XKR9: variants seen among roughly 807,000 people sequenced by gnomAD.
The protein encoded by XKR9 is XK-related protein 9.
XKR9 carries 32 observed loss-of-function variants against 32.0 expected under a neutral mutation model. The observed-to-expected ratio is 1.00, with a 90% CI of 0.76 to 1.34. The LOEUF (loss-of-function observed/expected upper bound fraction) is 1.34. Among genes scored for constraint, XKR9 ranks in the 40% most tolerant of loss-of-function variants. The pLI is 0.00. For missense variants in XKR9, 546 were observed against 429.7 expected, an observed-to-expected ratio of 1.27 and a Z score of -2.39; for synonymous variants, 168 against 143.4, an observed-to-expected ratio of 1.17 and a Z score of -1.22.
At chr8:71,009,377 T>A in the XKR9 span, among the ~76,000 whole-genome samples, 1 of 145,362 alleles carries the variant, frequency 6.9e-6, no homozygotes, top group Non-Finnish European at 1.5e-5. Context: ...TATTAGTGTA[T>A]TTTATGTGTG....
chr8:70,860,509 A>G, the XKR9 span, among the ~76,000 whole-genome samples: 7 of 152,148 alleles, frequency 4.6e-5, no homozygotes, highest in Non-Finnish European at 8.8e-5. Context: ...AGCTGAAATA[A>G]GACACAAATC....
the XKR9 span, among the ~76,000 whole-genome samples, chr8:71,008,775 A>C: frequency 6.6e-6 from 1 of 151,872 alleles, no homozygotes; most frequent in African/African-American, 2.4e-5. Context: ...TACACCAAGT[A>C]CTTCCTCCTC....
intron 1 of XKR9, among the ~76,000 whole-genome samples, chr8:70,672,438 A>G (rs1818744505): frequency 6.6e-6 from 1 of 152,180 alleles, no homozygotes; most frequent in Non-Finnish European, 1.5e-5. Flanking sequence ...GCCAAATAGT[A>G]TTTTATTGTG....
At chr8:71,040,386 C>T in the XKR9 span, among the ~76,000 whole-genome samples, 6 of 152,076 alleles carry the variant, frequency 3.9e-5, no homozygotes, top group South Asian at 2.1e-4. Flanking sequence ...TTTTATTGGT[C>T]GAAATGGTTA....
the XKR9 span, among the ~76,000 whole-genome samples, chr8:71,022,421 T>C: frequency 6.6e-6 from 1 of 152,184 alleles, no homozygotes; most frequent in African/African-American, 2.4e-5. Context: ...GGCAGGTTTT[T>C]TTTCAGAATT....
chr8:71,022,227 G>T, the XKR9 span, among the ~76,000 whole-genome samples: 1 of 152,040 alleles, frequency 6.6e-6, no homozygotes, highest in African/African-American at 2.4e-5. Context: ...TGCTGTTTTG[G>T]TTATTGTAGT....
At position 70,734,466 on chromosome 8, in the gene XKR9, T is replaced by A; in HGVS notation, c.*42T>A. The A allele has an allele frequency of 6.9e-7, 1 of 1,454,644 alleles. No homozygotes were observed. Among genetic ancestry groups the A allele is most frequent in the Non-Finnish European group, 9.0e-7 (1 of 1,114,422 alleles). The allele number at this position is 1,454,644 out of a possible 1,614,324, so 90.1% of individuals were successfully genotyped here. ...ATATATTTTCTTATATTTTGTTTCA[T>A]TGGTTAGTAAAGAAAATGTGTGTTA... On this transcript the variant is annotated 3_prime_UTR_variant, in exon 5 of 5. Transcript: ENST00000408926.
the XKR9 span, among the ~76,000 whole-genome samples, chr8:70,899,004 C>T: frequency 6.6e-6 from 1 of 152,134 alleles, no homozygotes; most frequent in African/African-American, 2.4e-5. Flanking sequence ...GCCTTGACTT[C>T]CCAGGCTCAA....
chr8:70,773,394 G>A (rs1390326130), intron 2 of XKR9, among the ~76,000 whole-genome samples: 1 of 152,164 alleles, frequency 6.6e-6, no homozygotes, highest in Non-Finnish European at 1.5e-5. Context: ...TACTGGCCAT[G>A]GTCATAGAGC....
At chr8:70,749,531 G>T (rs147116300) in intron 2 of XKR9, among the ~76,000 whole-genome samples, 113 of 150,938 alleles carry the variant, frequency 7.5e-4, no homozygotes, top group Middle Eastern at 3.4e-3. Flanking sequence ...CATGGAGTCG[G>T]CATCTGTGCC....
chr8:70,968,616 GT>G, the XKR9 span, among the ~76,000 whole-genome samples: 22 of 152,102 alleles, frequency 1.4e-4, no homozygotes, highest in Non-Finnish European at 2.6e-4. Flanking sequence ...ATTGAATGGG[GT>G]TTTTGTGGGG....
chr8:70,949,536 A>T, the XKR9 span, among the ~76,000 whole-genome samples: 25 of 152,200 alleles, frequency 1.6e-4, no homozygotes, highest in African/African-American at 4.8e-4. Flanking sequence ...ACAGCTAAAT[A>T]CCAAAGGAAC....
the XKR9 span, among the ~76,000 whole-genome samples, chr8:71,029,419 G>A: frequency 6.6e-6 from 1 of 152,156 alleles, no homozygotes. Context: ...GTAATCCAAA[G>A]TGGAGGTATA....
chr8:70,892,334 G>T, the XKR9 span, among the ~76,000 whole-genome samples: 1 of 151,890 alleles, frequency 6.6e-6, no homozygotes, highest in South Asian at 2.1e-4. Flanking sequence ...TTGTTCTTTT[G>T]TTCCTGTTTT....
the XKR9 span, among the ~76,000 whole-genome samples, chr8:70,821,714 G>T: frequency 6.6e-6 from 1 of 152,198 alleles, no homozygotes; most frequent in African/African-American, 2.4e-5. Context: ...TGAAGCAATG[G>T]CCTGAGCAGT....
downstream of XKR9, among the ~76,000 whole-genome samples, chr8:70,791,725 G>A (rs1005155723): frequency 5.3e-5 from 8 of 152,040 alleles, no homozygotes; most frequent in African/African-American, 1.7e-4. Flanking sequence ...AGAACTGTGA[G>A]CAAATAAATT....
the XKR9 span, among the ~76,000 whole-genome samples, chr8:70,856,750 G>T: frequency 6.6e-6 from 1 of 152,062 alleles, no homozygotes; most frequent in African/African-American, 2.4e-5. Context: ...AAATGTAAAA[G>T]AACAGAAATT....
intron 2 of XKR9, among the ~76,000 whole-genome samples, chr8:70,772,948 C>T (rs550034389): frequency 6.6e-6 from 1 of 152,216 alleles, no homozygotes; most frequent in Admixed American, 6.5e-5. Flanking sequence ...TGAACATTAT[C>T]TTTAAAATGC....
At chr8:70,823,612 A>G in the XKR9 span, among the ~76,000 whole-genome samples, 1 of 152,230 alleles carries the variant, frequency 6.6e-6, no homozygotes, top group African/African-American at 2.4e-5. Context: ...GGTTGCTAAA[A>G]AAGTGTGCAG....
Sources: gnomAD v4.1 joint callset for allele counts (sites outside exome capture counted in the v4.1 genomes callset) on GRCh38, gnomAD v4.1.1 for gene constraint, MANE v1.5 for transcripts, NCBI Gene and HGNC (gene_info 2026-07-23, HGNC 2026-07-21) for gene names.